TRAF3: variants seen among roughly 807,000 people sequenced by gnomAD.
TRAF3 encodes the protein TNF receptor-associated factor 3.
A neutral mutation model predicts 62.3 loss-of-function variants in TRAF3; 13 were observed. The ratio of observed to expected loss-of-function variants is 0.21; its 90% CI spans 0.14 to 0.33. The LOEUF (loss-of-function observed/expected upper bound fraction) is 0.33, where lower values mean the gene tolerates loss of function less well. Ranked by LOEUF, TRAF3 falls within the 10% of genes least tolerant of loss-of-function variation. TRAF3 has a pLI of 1.00. For missense variants in TRAF3, 440 were observed against 741.8 expected (o/e 0.59, Z 4.73); for synonymous variants, 269 against 283.4 (o/e 0.95, Z 0.51).
chr14:102,797,818 A>G (rs191185145), intron 1 of TRAF3, among the ~76,000 whole-genome samples: 25 of 151,522 alleles, frequency 1.6e-4, no homozygotes, highest in Middle Eastern at 3.4e-3. Flanking sequence ...GCTCACCGCA[A>G]CCTCCGCCAC....
In TRAF3 at chr14:102,871,983, T is replaced by C. The variant is rs1888367816; in HGVS notation, c.297+15T>C. 1 of 1,613,262 alleles carries C rather than the reference T, an allele frequency of 6.2e-7. No individual in the cohort carries two copies. Among genetic ancestry groups the C allele is most frequent in the Non-Finnish European group, 8.5e-7 (1 of 1,179,208 alleles). ...TTAAAGATAAGGTATTCTGGGGTTT[T>C]TTTTAATCATTTTGTCACATGTTTT... On this transcript the variant is annotated intron_variant, in intron 4 of 11. Transcript: ENST00000392745.
intron 10 of TRAF3, among the ~76,000 whole-genome samples, chr14:102,902,189 C>T (rs927800926): frequency 6.6e-6 from 1 of 152,258 alleles, no homozygotes; most frequent in African/African-American, 2.4e-5. Flanking sequence ...TACTGGCAGC[C>T]TCGTGTGTTC....
rs1460360373 is a variant in TRAF3, at chr14:102,866,850, A to AAAAC, written c.-17-3334_-17-3333insAACA. Among the ~76,000 whole-genome samples the AAAAC allele has an allele frequency of 9.1e-5, 12 of 132,278 alleles. No individual in the cohort carries two copies. The South Asian group carries it at 1.7e-3, about 19-fold the overall frequency. 86.8% of individuals were successfully genotyped at this position (132,278 alleles called of 152,430 possible). ...ACAGAACGAGACTCCATCTCTTGAA[A>AAAAC]ACACACACACACACACACACACACA... is the stretch of plus-strand genomic sequence containing the variant. On this transcript the variant is annotated intron_variant, in intron 2 of 11. Transcript: ENST00000392745.
chr14:102,816,026 C>T (rs143942345), intron 1 of TRAF3, among the ~76,000 whole-genome samples: 1 of 152,048 alleles, frequency 6.6e-6, no homozygotes, highest in Non-Finnish European at 1.5e-5. Context: ...GTCTTGGTGC[C>T]CTTATCAAAA....
Position 102,903,173 on chromosome 14 carries a change from C to T in TRAF3, c.961-82C>T. On this transcript the variant is annotated intron_variant, in intron 10 of 11. Coordinates refer to ENST00000392745, the MANE Select transcript of TRAF3 (RefSeq NM_145725.3). This position sits in a 1 kb window ranked among gnomAD's most constrained non-coding sequence, Gnocchi z 6.4. ...GGGCCTCTGACTGTTCTGCTCCTAG[C>T]CTGTCTGTATTTGATGGAAGGTGGT... 6.3e-7 allele frequency: 1 copy of T among 1,595,006 alleles called. No individual in the cohort carries two copies.
chr14:102,868,349 G>C (rs540559286), intron 2 of TRAF3, among the ~76,000 whole-genome samples: 1 of 152,300 alleles, frequency 6.6e-6, no homozygotes, highest in South Asian at 2.1e-4. Flanking sequence ...TGAGGCTCCT[G>C]AGTCTGGTTC....
intron 2 of TRAF3, among the ~76,000 whole-genome samples, chr14:102,859,548 C>T (rs961813194): frequency 5.3e-5 from 8 of 152,180 alleles, no homozygotes; most frequent in Non-Finnish European, 7.4e-5. Flanking sequence ...AAAGTTAAAG[C>T]GTTTAGCAAA....
intron 7 of TRAF3, among the ~76,000 whole-genome samples, chr14:102,889,084 C>T (rs2139933213): frequency 6.6e-6 from 1 of 152,268 alleles, no homozygotes; most frequent in East Asian, 1.9e-4. Flanking sequence ...GCACTTATCT[C>T]AAGTATTATG....
rs1023940388 is a variant in TRAF3 at position 102,837,146 on chromosome 14, T to G, written c.-18+6674T>G. 1.3e-3 allele frequency among the ~76,000 whole-genome samples: 177 copies of G among 137,332 alleles called. 1 individual carries two copies. Among genetic ancestry groups the G allele is most frequent in the African/African-American group, 4.4e-3 (173 of 39,580 alleles). 90.1% of individuals were successfully genotyped at this position (137,332 alleles called of 152,430 possible). ...TGTGTGTGTGTGTGTGTGTGTGTTT[T>G]TTTTGGGGGGGGGTGAAGGTCTTGC... On this transcript the variant is annotated intron_variant, in intron 2 of 11. Transcript: ENST00000392745.
At chr14:102,864,999 A>G (rs1376428496) in intron 2 of TRAF3, among the ~76,000 whole-genome samples, 3 of 152,214 alleles carry the variant, frequency 2.0e-5, no homozygotes, top group East Asian at 1.9e-4. Flanking sequence ...TCAGGACAGG[A>G]CAGGTAAGTG....
chr14:102,898,052 C>A (rs994259171), intron 10 of TRAF3, among the ~76,000 whole-genome samples: 1 of 152,222 alleles, frequency 6.6e-6, no homozygotes, highest in Non-Finnish European at 1.5e-5. Flanking sequence ...ATAGCACTTC[C>A]CATGGGTGTG....
chr14:102,778,466 C>CGT (rs1192045167), intron 1 of TRAF3, among the ~76,000 whole-genome samples: 1 of 152,220 alleles, frequency 6.6e-6, no homozygotes, highest in Non-Finnish European at 1.5e-5. Context: ...GTGTTATGGA[C>CGT]GTGCTTGGAA....
chr14:102,806,862 C>T lies in TRAF3; in HGVS notation c.-156-23472C>T, dbSNP rs149959968. Among the ~76,000 whole-genome samples the T allele has an allele frequency of 1.6e-4, 24 of 152,272 alleles. No individual in the cohort carries two copies. The East Asian group carries it at 4.6e-3, about 29-fold the overall frequency. ...AAACCTTGAGAGTGAGTGAATGGGGCATGACTGGGGCCACTGGGTGTTATT... is the reference window on the plus strand; with the variant it reads ...AAACCTTGAGAGTGAGTGAATGGGGTATGACTGGGGCCACTGGGTGTTATT... On this transcript the variant is annotated intron_variant, in intron 1 of 11. Transcript: ENST00000392745.
At chr14:102,821,971 G>A (rs372385100) in intron 1 of TRAF3, among the ~76,000 whole-genome samples, 3 of 152,316 alleles carry the variant, frequency 2.0e-5, no homozygotes, top group Admixed American at 1.3e-4. Flanking sequence ...GAACCCTGGA[G>A]GCGGAGGTTG....
At chr14:102,818,681 T>C (rs1181287320) in intron 1 of TRAF3, among the ~76,000 whole-genome samples, 1 of 152,240 alleles carries the variant, frequency 6.6e-6, no homozygotes, top group African/African-American at 2.4e-5. Context: ...CCTTCTACTT[T>C]CTTAGATTCC....
intron 1 of TRAF3, among the ~76,000 whole-genome samples, chr14:102,806,447 G>A (rs1158463485): frequency 6.6e-6 from 1 of 152,132 alleles, no homozygotes; most frequent in Non-Finnish European, 1.5e-5. Context: ...AGCAGAATGG[G>A]AATTTTTGAG....
Position 102,903,315 on chromosome 14 carries a change from C to T in TRAF3, c.1021C>T (p.Arg341Trp), listed in dbSNP as rs530010854. The T allele has an allele frequency of 5.3e-5, 85 of 1,614,172 alleles. No homozygotes were observed. The highest frequency in any genetic ancestry group is 2.5e-4 in the African/African-American group (19 of 75,036). Residue 341 changes from arginine (R) to tryptophan (W), a missense_variant, in exon 11 of 12, where the codon CGG becomes TGG. Around this residue, in one of 6 missense-constraint regions of TRAF3, gnomAD observed 255 missense variants for 424.1 expected, o/e 0.60. Transcript: ENST00000392745. The surrounding 1 kb of genome is among the most constrained non-coding windows in gnomAD (Gnocchi z 6.4). ...KELDKEIRPF[R>W]QNWEEADSMK... The stretch of plus-strand genomic sequence containing the variant: ...GCTTGACAAGGAGATCCGGCCCTTC[C>T]GGCAGAACTGGGAGGAAGCAGACAG...
chr14:102,902,578 A>G (rs988406123), intron 10 of TRAF3, among the ~76,000 whole-genome samples: 2 of 152,146 alleles, frequency 1.3e-5, no homozygotes, highest in African/African-American at 4.8e-5. Flanking sequence ...GTCCCGTGGG[A>G]CCTGCACTTA....
chr14:102,854,801 G>GTT (rs35634271), intron 2 of TRAF3, among the ~76,000 whole-genome samples: 6 of 136,852 alleles, frequency 4.4e-5, no homozygotes, highest in South Asian at 4.7e-4. Flanking sequence ...GCACCTGGCT[G>GTT]TTTTTTTTTT....
Sources: allele counts gnomAD v4.1 joint callset (sites outside exome capture counted in the v4.1 genomes callset), GRCh38; gene constraint gnomAD v4.1.1; regional missense constraint gnomAD v4.1.1; non-coding constraint Gnocchi (gnomAD v3.1); transcripts MANE v1.5; gene names NCBI Gene and HGNC (gene_info 2026-07-23, HGNC 2026-07-21).